Variants in DDX5 observed in about 807,000 individuals in gnomAD.
DDX5 encodes DEAD-box helicase 5.
In DDX5, 6 loss-of-function variants were observed where a neutral mutation model predicts 68.6. The ratio of observed to expected loss-of-function variants is 0.09; its 90% CI spans 0.05 to 0.17. DDX5 has a LOEUF of 0.17. DDX5 is among the 10% of genes least tolerant of loss of function. The probability of loss-of-function intolerance (pLI) is 1.00; values close to 1 mark genes in which losing one functional copy is unlikely to be tolerated. For missense variants in DDX5, 499 were observed against 756.1 expected (o/e 0.66, Z 3.99); for synonymous variants, 350 against 247.0 (o/e 1.42, Z -3.91).
rs1210918820 is a variant in DDX5 at position 64,506,217 on chromosome 17, C to G, written c.-98G>C. The G allele has an allele frequency of 2.6e-6, 4 of 1,559,292 alleles. No homozygotes were observed. The highest frequency in any genetic ancestry group is 1.7e-4 in the Middle Eastern group (1 of 6,018). On this transcript the variant is annotated 5_prime_UTR_variant, in exon 1 of 13. Coordinates refer to ENST00000225792, the MANE Select transcript of DDX5 (RefSeq NM_004396.5). ...CGATGACGGCGAAGCCTTGCGGGGG[C>G]GGCAGCGGAGGAAGGACACCGATGA...
chr17:64,503,641 G>C, intron 5 of DDX5, 70 bp from the exon 6 acceptor site: 1 of 1,586,890 alleles, frequency 6.3e-7, no homozygotes, highest in Non-Finnish European at 8.6e-7. Flanking sequence ...TATTATACTA[G>C]CAGATCCTTT....
intron 1 of DDX5, chr17:64,505,829 C>A (rs1555672282): frequency 6.5e-7 from 1 of 1,536,140 alleles, no homozygotes. Context: ...CAACAGCTAC[C>A]AAATGGCAGC....
rs782072397 is a variant in DDX5 at position 64,503,530 on chromosome 17, C to T, written c.549G>A (p.Val183=). ...LAPTRELAQQ[V]QQVAAEYCRA... is the part of the protein sequence containing the mutation. ...TACAATATTCAGCAGCTACTTGCTG[C>T]ACCTGTTGGGCCAGTTCCCGAGTTG... Residue 183 remains valine (V), a synonymous_variant, in exon 6 of 13, where the codon GTG becomes GTA. Coordinates refer to ENST00000225792, the MANE Select transcript of DDX5 (RefSeq NM_004396.5). 5 of 1,614,250 alleles carry T rather than the reference C, an allele frequency of 3.1e-6. No homozygotes were observed. In the Admixed American group the frequency reaches 5.0e-5, roughly 16 times the overall value.
At position 64,502,001 on chromosome 17, in the gene DDX5, T is replaced by A. The variant is rs568498163; in HGVS notation, c.1216+9A>T. On this transcript the variant is annotated intron_variant, in intron 11 of 12. Transcript: ENST00000225792. ...GGAAACCAAGCCATGAATGCGAGTT[T>A]GTACTAACCTAGCCCTCTGGAGGCC... The A allele has an allele frequency of 6.2e-7, 1 of 1,613,590 alleles. No homozygotes were observed. The highest frequency in any genetic ancestry group is 1.3e-5 in the African/African-American group (1 of 75,012).
chr17:64,505,969 G>C, intron 1 of DDX5, 107 bp downstream of exon 1: 1 of 1,540,148 alleles, frequency 6.5e-7, no homozygotes, highest in East Asian at 2.4e-5. Context: ...TCCCAAGATA[G>C]CCCGGAAAGG....
intron 2 of DDX5, 160 bp from the exon 3 acceptor site, chr17:64,504,478 T>A: frequency 2.2e-6 from 2 of 919,768 alleles, no homozygotes; most frequent in Non-Finnish European, 3.2e-6. Context: ...AAAAAAAAAT[T>A]TATTGTTATA....
At chr17:64,503,909 A>C in intron 4 of DDX5, 41 bp from the exon 5 acceptor site, 1 of 1,613,784 alleles carries the variant, frequency 6.2e-7, no homozygotes, top group South Asian at 1.1e-5. Context: ...AATCACATTA[A>C]AATACTCGTT....
chr17:64,506,017 C>CAGG, intron 1 of DDX5, 59 bp downstream of exon 1: 1 of 1,511,104 alleles, frequency 6.6e-7, no homozygotes, highest in Non-Finnish European at 9.0e-7. Context: ...GGCCGCCACC[C>CAGG]TGACCCGCCC....
chr17:64,506,487 C>T (rs1348548574), upstream of DDX5: 30 of 974,518 alleles, frequency 3.1e-5, no homozygotes, highest in Non-Finnish European at 3.5e-5. Flanking sequence ...CATTGGAATG[C>T]CTCATTCTGC....
chr17:64,505,793 C>T (rs1555672246), intron 1 of DDX5: 19 of 1,536,118 alleles, frequency 1.2e-5, no homozygotes, highest in South Asian at 2.4e-5. Context: ...CTTTCATCCG[C>T]ACAATACGCT....
chr17:64,501,063 T>C, intron 11 of DDX5: 1 of 460,136 alleles, frequency 2.2e-6, no homozygotes. Context: ...TTACAGATCA[T>C]CAAGTGACAT....
At chr17:64,504,476 A>G in intron 2 of DDX5, 158 bp from the exon 3 acceptor site, 2 of 911,128 alleles carry the variant, frequency 2.2e-6, no homozygotes, top group Non-Finnish European at 3.3e-6. Flanking sequence ...GAAAAAAAAA[A>G]TTTATTGTTA....
At position 64,499,895 on chromosome 17, in the gene DDX5, A is replaced by G. The variant is rs957522394; in HGVS notation, c.*28T>C. 1 of 1,523,596 alleles carries G rather than the reference A, an allele frequency of 6.6e-7. No individual in the cohort carries two copies. Among genetic ancestry groups the G allele is most frequent in the East Asian group, 2.3e-5 (1 of 44,156 alleles). 94.4% of individuals were successfully genotyped at this position (1,523,596 alleles called of 1,614,324 possible). A position where few individuals can be genotyped will look rare whatever the true frequency, so the allele number is the denominator to read the frequency against. On this transcript the variant is annotated 3_prime_UTR_variant, in exon 13 of 13. Coordinates refer to ENST00000225792, the MANE Select transcript of DDX5 (RefSeq NM_004396.5). Reference sequence around the variant, plus strand: ...ACAATATAAAGAGCAATTATGAAAAACAGACATTTACATATACTTCTAAAG... The same window carrying G: ...ACAATATAAAGAGCAATTATGAAAAGCAGACATTTACATATACTTCTAAAG...
At chr17:64,506,822 GT>G (rs1159991494), upstream of DDX5, 51 of 583,866 alleles carry the variant, frequency 8.7e-5, 1 homozygote, top group South Asian at 9.6e-4. Flanking sequence ...TCCGACCCGC[GT>G]GTCTGATAAT....
intron 1 of DDX5, 155 bp downstream of exon 1, chr17:64,505,921 G>A (rs1430720876): frequency 2.0e-5 from 30 of 1,534,146 alleles, no homozygotes; most frequent in African/African-American, 6.9e-5. Flanking sequence ...TCACTGTGAC[G>A]TGAATATCAA....
Position 64,502,952 on chromosome 17 carries a change from C to T in DDX5, c.957G>A (p.Val319=). The T allele has an allele frequency of 1.2e-6, 2 of 1,603,134 alleles. No individual in the cohort carries two copies. Among genetic ancestry groups the T allele is most frequent in the Non-Finnish European group, 1.7e-6 (2 of 1,173,730 alleles). ...TTTCATCCTTTTCTACGTCATGACACACATCCACAATCTGAAGAATGTTGT... is the reference window on the plus strand; with the variant it reads ...TTTCATCCTTTTCTACGTCATGACATACATCCACAATCTGAAGAATGTTGT... ...ANHNILQIVD[V]CHDVEKDEKL... The change falls in exon 8 of 13, where the codon GTG becomes GTA. Residue 319 remains valine (V), a synonymous_variant. Coordinates refer to ENST00000225792, the MANE Select transcript of DDX5 (RefSeq NM_004396.5).
rs781810119 is a variant in DDX5, at chr17:64,503,589, G to A, written c.508-18C>T. ...ACCAAACACTAAGGAAAGAGAAACA[G>A]CTTTCAGCACAAACCTGGATACTAG... On this transcript the variant is annotated intron_variant, in intron 5 of 12. Coordinates refer to ENST00000225792, the MANE Select transcript of DDX5 (RefSeq NM_004396.5). 1 of 1,612,538 alleles carries A rather than the reference G, an allele frequency of 6.2e-7. No homozygotes were observed. Among genetic ancestry groups the A allele is most frequent in the Non-Finnish European group, 8.5e-7 (1 of 1,179,466 alleles).
At position 64,503,493 on chromosome 17, in the gene DDX5, A is replaced by C. The variant is rs1425862920; in HGVS notation, c.586T>G (p.Leu196Val). 6.2e-7 allele frequency: 1 copy of C among 1,614,120 alleles called. No homozygotes were observed. The highest frequency in any genetic ancestry group is 2.2e-5 in the East Asian group (1 of 44,904). The change falls in exon 6 of 13, where the codon TTG becomes GTG. Residue 196 changes from leucine to valine, a missense_variant. Coordinates refer to ENST00000225792, the MANE Select transcript of DDX5 (RefSeq NM_004396.5). ...CCACCGTAGATACAAGTAGACTTCA[A>C]GCGACATGCTCTACAATATTCAGCA... ...VAAEYCRACR[L>V]KSTCIYGGAP...
intron 1 of DDX5, chr17:64,505,359 G>C: frequency 2.3e-6 from 1 of 425,680 alleles, no homozygotes; most frequent in South Asian, 3.0e-5. Context: ...CCAGCTGGGG[G>C]AACGCCGCGG....
Sources: allele counts gnomAD v4.1 joint callset, GRCh38; gene constraint gnomAD v4.1.1; transcripts MANE v1.5; gene names NCBI Gene and HGNC (gene_info 2026-07-23, HGNC 2026-07-21).